The following RARB variants were observed in gnomAD, a reference collection of about 807,000 sequenced individuals.
The protein encoded by RARB is retinoic acid receptor beta.
In RARB, 17 loss-of-function variants were observed where a neutral mutation model predicts 51.9. That is an observed-to-expected ratio of 0.33 (90% CI 0.22 to 0.49). RARB has a LOEUF of 0.49. Ranked by LOEUF, RARB falls within the 20% of genes least tolerant of loss-of-function variation. The probability of loss-of-function intolerance (pLI) is 0.99; values close to 1 mark genes in which losing one functional copy is unlikely to be tolerated. For missense variants in RARB, 369 were observed against 550.8 expected (o/e 0.67, Z 3.30); for synonymous variants, 215 against 195.4 (o/e 1.10, Z -0.84).
At chr3:24,972,000 A>T (rs1575098537) in intron 2 of RARB, among the ~76,000 whole-genome samples, 1 of 136,796 alleles carries the variant, frequency 7.3e-6, no homozygotes, top group South Asian at 2.4e-4. Context: ...CTTTAGGAAC[A>T]TTCGAGTTAT....
At chr3:25,583,684 C>T (rs1701275652) in intron 5 of RARB, among the ~76,000 whole-genome samples, 1 of 152,202 alleles carries the variant, frequency 6.6e-6, no homozygotes, top group Admixed American at 6.5e-5. Flanking sequence ...GGGGAATTTC[C>T]CATCCTAGCC....
chr3:25,039,519 G>A (rs1444788442), intron 2 of RARB, among the ~76,000 whole-genome samples: 1 of 152,190 alleles, frequency 6.6e-6, no homozygotes, highest in East Asian at 1.9e-4. Flanking sequence ...GTAGTGAGGA[G>A]ATAGGTATGA....
At chr3:25,339,573 C>G (rs574393843) in intron 5 of RARB, among the ~76,000 whole-genome samples, 53 of 147,006 alleles carry the variant, frequency 3.6e-4, no homozygotes, top group Non-Finnish European at 6.3e-4. Flanking sequence ...AAATTTAATT[C>G]AGCTGAAGTT....
intron 2 of RARB, among the ~76,000 whole-genome samples, chr3:24,945,749 AT>A (rs1240419788): frequency 6.6e-6 from 1 of 152,210 alleles, no homozygotes; most frequent in East Asian, 1.9e-4. Flanking sequence ...AAATAGATGT[AT>A]TTCTTGTTCT....
At chr3:25,032,500 C>G (rs562021220) in intron 2 of RARB, among the ~76,000 whole-genome samples, 1 of 152,310 alleles carries the variant, frequency 6.6e-6, no homozygotes, top group South Asian at 2.1e-4. Flanking sequence ...TTACGTGGAT[C>G]TGAAGTGAAG....
intron 5 of RARB, among the ~76,000 whole-genome samples, chr3:25,206,402 ATG>A (rs1701547335): frequency 6.6e-6 from 1 of 152,320 alleles, no homozygotes; most frequent in South Asian, 2.1e-4. Flanking sequence ...CCAGGGAAAA[ATG>A]TGTAAATCAC....
At chr3:25,196,134 G>A (rs894584521) in intron 5 of RARB, among the ~76,000 whole-genome samples, 1 of 151,742 alleles carries the variant, frequency 6.6e-6, no homozygotes, top group African/African-American at 2.4e-5. Context: ...GGTTTATTAT[G>A]TATGTATACA....
At chr3:25,437,997 GTGGA>G (rs1477654099) in intron 1 of RARB, among the ~76,000 whole-genome samples, 1 of 152,192 alleles carries the variant, frequency 6.6e-6, no homozygotes, top group African/African-American at 2.4e-5. Flanking sequence ...ACATTATTCT[GTGGA>G]TGGGCTGGGC....
At chr3:25,201,367 C>A (rs1399674162) in intron 5 of RARB, among the ~76,000 whole-genome samples, 1 of 152,194 alleles carries the variant, frequency 6.6e-6, no homozygotes, top group Non-Finnish European at 1.5e-5. Context: ...ACAATCATGT[C>A]ATCTGCAAAC....
At chr3:25,343,243 A>G (rs17016226) in intron 5 of RARB, among the ~76,000 whole-genome samples, 10 of 152,122 alleles carry the variant, frequency 6.6e-5, no homozygotes, top group South Asian at 2.1e-4. Flanking sequence ...ACTCTAGGCT[A>G]TGAGAATCTT....
intron 1 of RARB, among the ~76,000 whole-genome samples, chr3:25,445,630 G>A (rs1251292957): frequency 6.6e-6 from 1 of 152,096 alleles, no homozygotes; most frequent in South Asian, 2.1e-4. Context: ...TCGCGCCACT[G>A]CACTCCAGCC....
chr3:25,063,567 A>G lies in RARB; in HGVS notation c.-328+3391A>G, dbSNP rs75674844. The stretch of plus-strand genomic sequence containing the variant: ...GTACAGGCCTAAATAAAAATATGAA[A>G]TAAATGTGAGTGAAAAATGCTTCCA... On this transcript the variant is annotated intron_variant, in intron 3 of 11. Coordinates refer to the RARB transcript ENST00000383772. Among the ~76,000 whole-genome samples, 1,435 of 152,220 alleles carry G rather than the reference A, an allele frequency of 9.4e-3. 21 individuals are homozygous for G. The highest frequency in any genetic ancestry group is 0.031 in the African/African-American group (1,290 of 41,548).
At chr3:25,285,594 G>C (rs937637130) in intron 5 of RARB, among the ~76,000 whole-genome samples, 4 of 152,172 alleles carry the variant, frequency 2.6e-5, no homozygotes, top group Admixed American at 6.5e-5. Context: ...TGAGAGGGGA[G>C]GGTGCCTTAT....
At chr3:24,945,273 C>A (rs1374208390) in intron 2 of RARB, among the ~76,000 whole-genome samples, 2 of 152,066 alleles carry the variant, frequency 1.3e-5, no homozygotes, top group African/African-American at 4.8e-5. Flanking sequence ...TGGGAGAGAG[C>A]CATAATCTTT....
intron 5 of RARB, among the ~76,000 whole-genome samples, chr3:25,396,138 C>G (rs1707107175): frequency 6.6e-6 from 1 of 152,216 alleles, no homozygotes; most frequent in African/African-American, 2.4e-5. Context: ...TCTTCTGGGT[C>G]TAGCCACCCA....
chr3:24,869,453 T>C (rs555959701), intron 2 of RARB, among the ~76,000 whole-genome samples: 1 of 152,152 alleles, frequency 6.6e-6, no homozygotes, highest in South Asian at 2.1e-4. Flanking sequence ...TCAATAATTA[T>C]AACAAGCTTG....
intron 4 of RARB, among the ~76,000 whole-genome samples, chr3:25,172,963 C>T (rs1265042178): frequency 6.6e-6 from 1 of 152,222 alleles, no homozygotes; most frequent in Non-Finnish European, 1.5e-5. Context: ...GCTGGACACA[C>T]TGGCTCTAGA....
chr3:25,092,197 A>G (rs1179480874), intron 3 of RARB, among the ~76,000 whole-genome samples: 1 of 152,164 alleles, frequency 6.6e-6, no homozygotes, highest in African/African-American at 2.4e-5. Context: ...AGTTCACAAA[A>G]TCTTTCCCAT....
intron 5 of RARB, among the ~76,000 whole-genome samples, chr3:25,271,470 G>A (rs893721448): frequency 1.3e-5 from 2 of 152,178 alleles, no homozygotes; most frequent in African/African-American, 4.8e-5. Flanking sequence ...TTGGCCAAAG[G>A]CATCTACATT....
Sources: gnomAD v4.1 joint callset for allele counts (sites outside exome capture counted in the v4.1 genomes callset) on GRCh38, gnomAD v4.1.1 for gene constraint, MANE v1.5 for transcripts, NCBI Gene and HGNC (gene_info 2026-07-23, HGNC 2026-07-21) for gene names.